The following STPG1 variants were observed in gnomAD, a reference collection of about 807,000 sequenced individuals.
STPG1 encodes sperm tail PG-rich repeat containing 1.
Under a neutral mutation model 40.1 loss-of-function variants are expected in STPG1, and 33 were observed. That is an observed-to-expected ratio of 0.82 (90% CI 0.62 to 1.10). The LOEUF is 1.10. Among genes scored for constraint, STPG1 ranks in the 50% least tolerant of loss-of-function variants. STPG1 has a pLI of 0.00. For missense variants in STPG1, 396 were observed against 415.1 expected (o/e 0.95, Z 0.40); for synonymous variants, 150 against 155.0 (o/e 0.97, Z 0.24).
At chr1:24,411,677 A>G (rs1643664366) in intron 1 of STPG1, 1 of 152,208 alleles carries the variant, frequency 6.6e-6, no homozygotes, top group Non-Finnish European at 1.5e-5. Flanking sequence ...TCCTAGCCTC[A>G]AGTGATCTTC....
rs1640842493 is a variant in STPG1, at chr1:24,358,148, T to C, written c.*395A>G. The C allele has an allele frequency of 2.1e-6, 1 of 471,566 alleles. No homozygotes were observed. Among genetic ancestry groups the C allele is most frequent in the Admixed American group, 2.3e-5 (1 of 42,662 alleles). 29.2% of individuals were successfully genotyped at this position (471,566 alleles called of 1,614,324 possible). ...AATGAAGGAATGAAACAGGGAAGGG[T>C]GGGGCTTCCAGGCTTGGCCACCTTC... On this transcript the variant is annotated 3_prime_UTR_variant, in exon 9 of 9. Coordinates refer to ENST00000337248, the MANE Select transcript of STPG1 (RefSeq NM_001199013.2).
At chr1:24,387,631 T>C (rs1198952218) in intron 3 of STPG1, among the ~76,000 whole-genome samples, 1 of 152,116 alleles carries the variant, frequency 6.6e-6, no homozygotes, top group African/African-American at 2.4e-5. Context: ...AAAGTATGGA[T>C]AATGATGGGA....
chr1:24,381,482 G>C (rs1241770528), intron 4 of STPG1, among the ~76,000 whole-genome samples: 1 of 152,274 alleles, frequency 6.6e-6, no homozygotes, highest in East Asian at 1.9e-4. Context: ...CTTTTCTAGA[G>C]CCACTCCTGC....
chr1:24,390,555 T>A (rs964896950), intron 3 of STPG1, among the ~76,000 whole-genome samples: 1 of 151,926 alleles, frequency 6.6e-6, no homozygotes, highest in Non-Finnish European at 1.5e-5. Flanking sequence ...AGTAGTTGGG[T>A]CTACAGGTGT....
rs552818120 is a variant in STPG1, at chr1:24,359,814, G to A, written c.928+1037C>T. 2.6e-5 allele frequency among the ~76,000 whole-genome samples: 4 copies of A among 152,324 alleles called. No individual in the cohort carries two copies. The highest frequency in any genetic ancestry group is 2.1e-4 in the South Asian group (1 of 4,822). ...GTCAGGCTGTGGTAATAGCGAAAGCGCTCTATAGAGAGCTACAAATAGGTC... is the reference window on the plus strand; with the variant it reads ...GTCAGGCTGTGGTAATAGCGAAAGCACTCTATAGAGAGCTACAAATAGGTC... On this transcript the variant is annotated intron_variant, in intron 8 of 8. Transcript: ENST00000337248. The surrounding 1 kb of genome is among the most constrained non-coding windows in gnomAD (Gnocchi z 5.3).
chr1:24,408,802 T>C (rs567647699), intron 1 of STPG1, among the ~76,000 whole-genome samples: 1 of 152,358 alleles, frequency 6.6e-6, no homozygotes, highest in Admixed American at 6.5e-5. Flanking sequence ...ATACCATTTA[T>C]ATATACTAAT....
chr1:24,388,336 C>T (rs1642604414), intron 3 of STPG1, among the ~76,000 whole-genome samples: 1 of 152,196 alleles, frequency 6.6e-6, no homozygotes, highest in South Asian at 2.1e-4. Flanking sequence ...CCATGCTCTG[C>T]CACATAGATC....
At chr1:24,381,108 G>A (rs1025014489) in intron 4 of STPG1, among the ~76,000 whole-genome samples, 1 of 152,136 alleles carries the variant, frequency 6.6e-6, no homozygotes, top group Non-Finnish European at 1.5e-5. Flanking sequence ...TAATTCAGGC[G>A]GAGGACCAGC....
At chr1:24,391,751 GT>G (rs1409667410) in intron 2 of STPG1, 72 bp from the exon 3 acceptor site, 22 of 1,266,552 alleles carry the variant, frequency 1.7e-5, no homozygotes, top group Non-Finnish European at 2.3e-5. Flanking sequence ...AAACACAAAG[GT>G]GTATATTAAA....
intron 4 of STPG1, among the ~76,000 whole-genome samples, chr1:24,380,875 C>T (rs1472145590): frequency 6.6e-6 from 1 of 152,194 alleles, no homozygotes; most frequent in Admixed American, 6.5e-5. Context: ...CTCTGCCAAA[C>T]TCGAATTCTA....
chr1:24,409,188 C>T (rs969672251), intron 1 of STPG1, among the ~76,000 whole-genome samples: 8 of 152,010 alleles, frequency 5.3e-5, no homozygotes, highest in Admixed American at 1.3e-4. Flanking sequence ...GGTGAAAGTC[C>T]GTCTCTACAA....
chr1:24,357,809 C>G lies in STPG1; in HGVS notation c.*734G>C, dbSNP rs369823252. On this transcript the variant is annotated 3_prime_UTR_variant, in exon 9 of 9. Coordinates refer to ENST00000337248, the MANE Select transcript of STPG1 (RefSeq NM_001199013.2). ...ATCAGGCCTAGACAGGCCATGTGGA[C>G]TCCATGGAAGGGCCTGTAAGCCTTG... is the stretch of plus-strand genomic sequence containing the variant. The G allele has an allele frequency of 7.4e-6, 2 of 271,434 alleles. No individual in the cohort carries two copies. Among genetic ancestry groups the G allele is most frequent in the South Asian group, 9.0e-5 (2 of 22,344 alleles). The allele number at this position is 271,434 out of a possible 1,614,324, so 16.8% of individuals were successfully genotyped here.
At chr1:24,386,808 T>C (rs1642524479) in intron 3 of STPG1, among the ~76,000 whole-genome samples, 1 of 152,218 alleles carries the variant, frequency 6.6e-6, no homozygotes, top group South Asian at 2.1e-4. Context: ...AGCCACTCCT[T>C]GGTTTCTTGG....
At chr1:24,386,011 C>T (rs1642488523) in intron 3 of STPG1, among the ~76,000 whole-genome samples, 1 of 152,222 alleles carries the variant, frequency 6.6e-6, no homozygotes, top group Non-Finnish European at 1.5e-5. Context: ...ACCTGACCAT[C>T]AGTTTGCAAG....
intron 3 of STPG1, chr1:24,391,318 C>T: frequency 3.1e-6 from 1 of 321,128 alleles, no homozygotes. Context: ...AGTTTTGGTC[C>T]AGTTCAATAT....
At chr1:24,371,897 GC>G (rs1297018440) in intron 6 of STPG1, among the ~76,000 whole-genome samples, 1 of 152,206 alleles carries the variant, frequency 6.6e-6, no homozygotes, top group Non-Finnish European at 1.5e-5. Flanking sequence ...CAGCTGTGGG[GC>G]TGGGCGTGGT....
At chr1:24,360,764 T>A in intron 8 of STPG1, 87 bp downstream of exon 8, 1 of 1,247,206 alleles carries the variant, frequency 8.0e-7, no homozygotes, top group South Asian at 1.5e-5. Flanking sequence ...GGAAACAACC[T>A]ATAAATCAAT....
At chr1:24,369,881 T>G (rs1641655821) in intron 6 of STPG1, 42 bp from the exon 7 acceptor site, 1 of 1,524,448 alleles carries the variant, frequency 6.6e-7, no homozygotes, top group African/African-American at 1.4e-5. Context: ...GGAACTCTTC[T>G]CAAGTAAATA....
chr1:24,411,094 G>T (rs903924102), intron 1 of STPG1, among the ~76,000 whole-genome samples: 2 of 152,042 alleles, frequency 1.3e-5, no homozygotes, highest in African/African-American at 4.8e-5. Context: ...ATTAATGTAG[G>T]GTTTTAATAT....
Sources: gnomAD v4.1 joint callset for allele counts (sites outside exome capture counted in the v4.1 genomes callset) on GRCh38, gnomAD v4.1.1 for gene constraint, Gnocchi (gnomAD v3.1) non-coding constraint, MANE v1.5 for transcripts, NCBI Gene and HGNC (gene_info 2026-07-23, HGNC 2026-07-21) for gene names.